PLPPR5: variants seen among roughly 807,000 people sequenced by gnomAD.
PLPPR5 encodes the protein phospholipid phosphatase related 5, also known as phospholipid phosphatase-related protein type 5.
Under a neutral mutation model 33.9 loss-of-function variants are expected in PLPPR5, and 16 were observed. The observed-to-expected ratio is 0.47, with a 90% CI of 0.32 to 0.72. The LOEUF (loss-of-function observed/expected upper bound fraction) is 0.72. Ranked by LOEUF, PLPPR5 falls within the 30% of genes least tolerant of loss-of-function variation. PLPPR5 has a pLI of 0.03. For missense variants in PLPPR5, 301 were observed against 406.7 expected (o/e 0.74, Z 2.23); for synonymous variants, 163 against 150.3 (o/e 1.08, Z -0.62).
Position 98,893,069 on chromosome 1 carries a change from A to G in PLPPR5, c.*3T>C. The G allele has an allele frequency of 6.2e-7, 1 of 1,611,266 alleles. No individual in the cohort carries two copies. ...ATGCAGTGAAAAACCATCTGCTTCG[A>G]TATCATGTGACTTCTGCGAAGGCAG... On this transcript the variant is annotated 3_prime_UTR_variant, in exon 6 of 6. Transcript: ENST00000263177.
chr1:98,955,273 C>A (rs1650962581), intron 2 of PLPPR5, among the ~76,000 whole-genome samples: 1 of 152,052 alleles, frequency 6.6e-6, no homozygotes, highest in Non-Finnish European at 1.5e-5. Flanking sequence ...TAAAAGCATA[C>A]TGTACTTTGA....
chr1:98,895,051 C>T (rs777023875), intron 5 of PLPPR5, among the ~76,000 whole-genome samples: 14 of 151,886 alleles, frequency 9.2e-5, no homozygotes, highest in Non-Finnish European at 1.8e-4. Flanking sequence ...AGGATTGTCC[C>T]AAATAGTAAT....
rs746524735 is a variant in PLPPR5, at chr1:99,004,680, C to CCCGGG, written c.-14_-10dup. On this transcript the variant is annotated 5_prime_UTR_variant, in exon 1 of 6. Coordinates refer to ENST00000263177, the MANE Select transcript of PLPPR5 (RefSeq NM_001037317.2). ...GCGGGCAGCAGGGGCATGCACGCCT[C>CCCGGG]CCGGGCCGGGCCGAGCCGAGCCGAG... 2.1e-5 allele frequency: 33 copies of CCCGGG among 1,587,960 alleles called. No individual in the cohort carries two copies. The highest frequency in any genetic ancestry group is 2.5e-5 in the Non-Finnish European group (29 of 1,168,428).
chr1:98,907,430 G>GT (rs1648949029), intron 5 of PLPPR5, among the ~76,000 whole-genome samples: 1 of 152,024 alleles, frequency 6.6e-6, no homozygotes. Context: ...CTGACCTCAG[G>GT]TGATCCACCT....
At chr1:98,982,865 T>G (rs935114052) in intron 1 of PLPPR5, among the ~76,000 whole-genome samples, 2 of 152,092 alleles carry the variant, frequency 1.3e-5, no homozygotes, top group Admixed American at 6.6e-5. Flanking sequence ...CTGATCTTTT[T>G]GCATCAACCC....
At chr1:98,981,746 G>A (rs571567412) in intron 1 of PLPPR5, among the ~76,000 whole-genome samples, 5 of 152,000 alleles carry the variant, frequency 3.3e-5, no homozygotes, top group East Asian at 1.9e-4. Context: ...GCTTTAACAC[G>A]ATTGCTAATA....
chr1:98,933,207 A>T (rs1244333899), intron 3 of PLPPR5, among the ~76,000 whole-genome samples: 1 of 151,210 alleles, frequency 6.6e-6, no homozygotes, highest in African/African-American at 2.4e-5. Context: ...AAAAAAAAAA[A>T]GGTTTCAGTG....
At chr1:98,981,511 C>G (rs1057466764) in intron 1 of PLPPR5, among the ~76,000 whole-genome samples, 1 of 152,010 alleles carries the variant, frequency 6.6e-6, no homozygotes, top group Non-Finnish European at 1.5e-5. Flanking sequence ...ATTGCCTCTT[C>G]CATTTTTCTC....
intron 1 of PLPPR5, among the ~76,000 whole-genome samples, chr1:98,995,574 C>G (rs1041182546): frequency 2.6e-5 from 4 of 152,034 alleles, no homozygotes; most frequent in Admixed American, 6.6e-5. Context: ...TGCACCCTCT[C>G]CCCCAGTGGC....
chr1:98,979,098 C>T (rs1269583988), intron 1 of PLPPR5, among the ~76,000 whole-genome samples: 1 of 152,026 alleles, frequency 6.6e-6, no homozygotes, highest in Non-Finnish European at 1.5e-5. Flanking sequence ...TGAGTACCTC[C>T]CAGGTCCCAG....
chr1:99,003,477 T>TTTGTCAATATTAAAGGAACCATA (rs1553173542), intron 1 of PLPPR5, among the ~76,000 whole-genome samples: 1 of 152,064 alleles, frequency 6.6e-6, no homozygotes, highest in Non-Finnish European at 1.5e-5. Context: ...CCTCCAATAC[T>TTTGTCAATATTAAAGGAACCATA]TTGTCAATAT....
chr1:98,952,682 C>T (rs1365095553), intron 3 of PLPPR5, among the ~76,000 whole-genome samples: 1 of 152,132 alleles, frequency 6.6e-6, no homozygotes, highest in Non-Finnish European at 1.5e-5. Flanking sequence ...CCCTTTCATC[C>T]CCAGCAGGGA....
intron 3 of PLPPR5, among the ~76,000 whole-genome samples, chr1:98,942,718 A>G (rs964558694): frequency 1.3e-5 from 2 of 152,174 alleles, no homozygotes; most frequent in African/African-American, 4.8e-5. Context: ...AAGGAATTAA[A>G]AGGCTCCAGG....
intron 1 of PLPPR5, among the ~76,000 whole-genome samples, chr1:98,970,388 C>T (rs1166250172): frequency 6.6e-6 from 1 of 151,994 alleles, no homozygotes; most frequent in African/African-American, 2.4e-5. Flanking sequence ...AAATGTGAAA[C>T]TCTAACAGCT....
chr1:98,965,413 T>A (rs56206710), intron 1 of PLPPR5, among the ~76,000 whole-genome samples: 10,617 of 152,268 alleles, frequency 0.07, 494 homozygotes, highest in Non-Finnish European at 0.095. Context: ...CTACACACTG[T>A]CTGCTCCTTC....
intron 3 of PLPPR5, among the ~76,000 whole-genome samples, chr1:98,949,781 G>C (rs762196900): frequency 1.6e-4 from 24 of 152,140 alleles, no homozygotes; most frequent in Non-Finnish European, 3.1e-4. Context: ...GTTATATTCA[G>C]AGTTGCCATA....
chr1:98,895,176 C>T (rs1648426175), intron 5 of PLPPR5, among the ~76,000 whole-genome samples: 1 of 152,024 alleles, frequency 6.6e-6, no homozygotes, highest in African/African-American at 2.4e-5. Context: ...GATTAGACCA[C>T]TAGAGTGTTG....
At chr1:98,963,321 T>C (rs953287692) in intron 1 of PLPPR5, among the ~76,000 whole-genome samples, 1 of 152,236 alleles carries the variant, frequency 6.6e-6, no homozygotes, top group Non-Finnish European at 1.5e-5. Flanking sequence ...TTATGATAAT[T>C]TGCATATGCG....
intron 3 of PLPPR5, among the ~76,000 whole-genome samples, chr1:98,948,930 A>G (rs1280968864): frequency 6.6e-6 from 1 of 152,148 alleles, no homozygotes. Context: ...AGGCCAATAA[A>G]TGTAACTGAC....
Sources: allele counts gnomAD v4.1 joint callset (sites outside exome capture counted in the v4.1 genomes callset), GRCh38; gene constraint gnomAD v4.1.1; transcripts MANE v1.5; gene names NCBI Gene and HGNC (gene_info 2026-07-23, HGNC 2026-07-21).